The following DENND1A variants were observed in gnomAD, a reference collection of about 807,000 sequenced individuals.
DENND1A encodes DENN domain-containing protein 1A.
A neutral mutation model predicts 113.7 loss-of-function variants in DENND1A; 51 were observed. The ratio of observed to expected loss-of-function variants is 0.45; its 90% CI spans 0.36 to 0.57. DENND1A has a LOEUF of 0.57. Among genes scored for constraint, DENND1A ranks in the 20% least tolerant of loss-of-function variants. The pLI, the probability that DENND1A is intolerant of heterozygous loss-of-function variation, is 0.00. For synonymous variants in DENND1A, 565 were observed against 570.8 expected (o/e 0.99, Z 0.14); for missense variants, 1,258 against 1,395.9 (o/e 0.90, Z 1.57).
intron 9 of DENND1A, among the ~76,000 whole-genome samples, chr9:123,636,395 C>A (rs1172894053): frequency 6.6e-6 from 1 of 152,024 alleles, no homozygotes; most frequent in Non-Finnish European, 1.5e-5. Flanking sequence ...CGGCTCACTG[C>A]AACCTCTGCC....
intron 2 of DENND1A, among the ~76,000 whole-genome samples, chr9:123,854,976 A>G (rs915877250): frequency 4.6e-5 from 7 of 151,332 alleles, no homozygotes; most frequent in Middle Eastern, 3.4e-3. Flanking sequence ...AAGAAAAACA[A>G]GATAAGTCCC....
rs148184014 is a variant in DENND1A at position 123,651,449 on chromosome 9, G to A, written c.618+564C>T. Among the ~76,000 whole-genome samples, 12 of 152,352 alleles carry A rather than the reference G, an allele frequency of 7.9e-5. No individual in the cohort carries two copies. In the East Asian group the frequency reaches 1.3e-3, roughly 17 times the overall value. On this transcript the variant is annotated intron_variant, in intron 9 of 23. Coordinates refer to ENST00000394215, the MANE Select transcript of DENND1A (RefSeq NM_001352964.2). ...TCTCTCTCTTTCCTGGCAAAGCTGC[G>A]GTGAAAATGGTGCACTCATCTACAG...
intron 19 of DENND1A, among the ~76,000 whole-genome samples, chr9:123,419,000 C>T (rs149343829): frequency 2.0e-5 from 3 of 152,348 alleles, no homozygotes; most frequent in East Asian, 3.9e-4. Flanking sequence ...ATCCTTGTGC[C>T]GTCAGAATGA....
chr9:123,740,485 G>A (rs1212112648), intron 5 of DENND1A, among the ~76,000 whole-genome samples: 1 of 152,108 alleles, frequency 6.6e-6, no homozygotes, highest in Non-Finnish European at 1.5e-5. Context: ...TTCCCTGAAT[G>A]AGCAAGGAGA....
At chr9:123,617,491 G>C (rs993467925) in intron 10 of DENND1A, among the ~76,000 whole-genome samples, 1 of 152,164 alleles carries the variant, frequency 6.6e-6, no homozygotes, top group African/African-American at 2.4e-5. Flanking sequence ...TATGCAGGTG[G>C]GGGTGGTGGA....
chr9:123,491,140 G>A (rs1302442825), intron 13 of DENND1A, among the ~76,000 whole-genome samples: 1 of 152,252 alleles, frequency 6.6e-6, no homozygotes, highest in Non-Finnish European at 1.5e-5. Flanking sequence ...TGGCTGCAGA[G>A]TGCAGAACTA....
intron 19 of DENND1A, among the ~76,000 whole-genome samples, chr9:123,437,156 T>C (rs1348468400): frequency 6.6e-6 from 1 of 152,250 alleles, no homozygotes. Context: ...TCTGCTGGTC[T>C]GTCTCATCAT....
intron 22 of DENND1A, among the ~76,000 whole-genome samples, chr9:123,386,906 T>C (rs947419999): frequency 2.0e-5 from 3 of 152,198 alleles, no homozygotes; most frequent in Non-Finnish European, 2.9e-5. Flanking sequence ...GCAGGGGACA[T>C]GAGGGAGAGG....
At chr9:123,502,254 TATCTATATCTAC>T (rs1214103588) in intron 13 of DENND1A, among the ~76,000 whole-genome samples, 5 of 152,174 alleles carry the variant, frequency 3.3e-5, no homozygotes, top group East Asian at 1.9e-4. Context: ...CATATATCTA[TATCTATATCTAC>T]ATCTATATCT....
At chr9:123,888,263 T>C (rs969955936) in intron 1 of DENND1A, among the ~76,000 whole-genome samples, 1 of 152,218 alleles carries the variant, frequency 6.6e-6, no homozygotes. Flanking sequence ...GGGCTTCCAC[T>C]GGCCAAATCT....
At chr9:123,488,595 T>C (rs1431038629) in intron 13 of DENND1A, among the ~76,000 whole-genome samples, 1 of 152,202 alleles carries the variant, frequency 6.6e-6, no homozygotes, top group African/African-American at 2.4e-5. Flanking sequence ...TTTAGTTCTG[T>C]AAGAGACCCT....
At chr9:123,407,412 G>A (rs1015019469) in intron 20 of DENND1A, among the ~76,000 whole-genome samples, 6 of 151,962 alleles carry the variant, frequency 3.9e-5, no homozygotes, top group African/African-American at 9.7e-5. Context: ...AGAGGCACGC[G>A]CAAGAGGTGA....
At chr9:123,578,572 C>T (rs1012749358) in intron 12 of DENND1A, among the ~76,000 whole-genome samples, 9 of 152,152 alleles carry the variant, frequency 5.9e-5, no homozygotes, top group African/African-American at 2.2e-4. Flanking sequence ...AAGTTTCCAG[C>T]GTAGATGCCA....
chr9:123,838,984 T>C (rs1841443612), intron 2 of DENND1A, among the ~76,000 whole-genome samples: 1 of 152,216 alleles, frequency 6.6e-6, no homozygotes, highest in South Asian at 2.1e-4. Flanking sequence ...GAGCCATATC[T>C]TTTTCCATGC....
chr9:123,561,684 G>A (rs527560994), intron 12 of DENND1A, among the ~76,000 whole-genome samples: 2 of 152,172 alleles, frequency 1.3e-5, no homozygotes, highest in African/African-American at 4.8e-5. Flanking sequence ...TGGTGAGGAT[G>A]GCTTCCTCCT....
At chr9:123,812,072 T>C (rs1836712044) in intron 2 of DENND1A, among the ~76,000 whole-genome samples, 1 of 152,182 alleles carries the variant, frequency 6.6e-6, no homozygotes, top group Non-Finnish European at 1.5e-5. Context: ...CTTATCCCAT[T>C]ATCCTCCTCC....
chr9:123,921,173 C>A (rs1856183841), intron 1 of DENND1A, among the ~76,000 whole-genome samples: 2 of 152,174 alleles, frequency 1.3e-5, no homozygotes, highest in Admixed American at 1.3e-4. Context: ...GTTGTTCAGA[C>A]AACTGTGTTT....
At chr9:123,726,516 C>G (rs2067719810) in intron 5 of DENND1A, among the ~76,000 whole-genome samples, 1 of 152,168 alleles carries the variant, frequency 6.6e-6, no homozygotes, top group Non-Finnish European at 1.5e-5. Context: ...TTATTCACAG[C>G]TGAATCCCCA....
At position 123,414,118 on chromosome 9, in the gene DENND1A, G is replaced by C. The variant is rs933597050; in HGVS notation, c.1489-2289C>G. Reference sequence around the variant, plus strand: ...GGAGGCAGCCTCTAGGGGTCAGACAGTTTTGGAGAGAACCCCAGTTCTCCC... The same window carrying C: ...GGAGGCAGCCTCTAGGGGTCAGACACTTTTGGAGAGAACCCCAGTTCTCCC... On this transcript the variant is annotated intron_variant, in intron 19 of 23. Transcript: ENST00000394215. The C allele has an allele frequency of 3.1e-5, 31 of 1,000,894 alleles. No individual in the cohort carries two copies. In the African/African-American group the frequency reaches 5.0e-4, roughly 16 times the overall value. The allele number at this position is 1,000,894 out of a possible 1,614,324, so 62.0% of individuals were successfully genotyped here. A position where few individuals can be genotyped will look rare whatever the true frequency, so the allele number is the denominator to read the frequency against.
Sources: gnomAD v4.1 joint callset for allele counts (sites outside exome capture counted in the v4.1 genomes callset) on GRCh38, gnomAD v4.1.1 for gene constraint, MANE v1.5 for transcripts, NCBI Gene and HGNC (gene_info 2026-07-23, HGNC 2026-07-21) for gene names.